The following PFKP variants were observed in gnomAD, a reference collection of about 807,000 sequenced individuals.
The protein encoded by PFKP is phosphofructokinase, platelet, also known as ATP-dependent 6-phosphofructokinase, platelet type.
In PFKP, 101 loss-of-function variants were observed where a neutral mutation model predicts 94.3. The ratio of observed to expected loss-of-function variants is 1.07; its 90% confidence interval spans 0.91 to 1.26. The LOEUF is 1.26. Ranked by LOEUF, PFKP falls within the 50% of genes most tolerant of loss-of-function variation. The pLI is 0.00. For synonymous variants in PFKP, 573 were observed against 432.6 expected (o/e 1.32, Z -4.03); for missense variants, 1,145 against 1,103.3 (o/e 1.04, Z -0.53).
chr10:3,120,895 G>A (rs7096334), intron 16 of PFKP, among the ~76,000 whole-genome samples: 69,185 of 151,908 alleles, frequency 0.46, 15,695 homozygotes, highest in Non-Finnish European at 0.48. Flanking sequence ...TTGAAGATCC[G>A]TACCTAACAC....
chr10:3,120,127 A>G lies in PFKP; in HGVS notation c.1683+83A>G. 1.8e-6 allele frequency: 2 copies of G among 1,084,642 alleles called. 1 individual carries two copies. Among genetic ancestry groups the G allele is most frequent in the South Asian group, 2.6e-5 (2 of 76,772 alleles). The allele number at this position is 1,084,642 out of a possible 1,614,324, so 67.2% of individuals were successfully genotyped here. A position where few individuals can be genotyped will look rare whatever the true frequency, so the allele number is the denominator to read the frequency against. ...GGCCCTTTTTATCTACCAGTGCGCT[A>G]GAAATAGCCTTTTACAAATACCCTG... On this transcript the variant is annotated intron_variant, in intron 16 of 21. Transcript: ENST00000381125.
At chr10:3,110,389 T>TTTTG (rs56347817) in intron 10 of PFKP, among the ~76,000 whole-genome samples, 3 of 142,516 alleles carry the variant, frequency 2.1e-5, no homozygotes, top group Non-Finnish European at 4.6e-5. Context: ...TTTTTTTTTT[T>TTTTG]GTATTTTTAG....
intron 8 of PFKP, 30 bp downstream of exon 8, chr10:3,107,339 C>A: frequency 2.2e-6 from 3 of 1,375,192 alleles, no homozygotes; most frequent in South Asian, 1.2e-5. Flanking sequence ...CACTTTCTCT[C>A]GGTTTCTGCC....
chr10:3,082,775 G>C (rs1833190109), intron 2 of PFKP, among the ~76,000 whole-genome samples: 1 of 152,162 alleles, frequency 6.6e-6, no homozygotes, highest in Non-Finnish European at 1.5e-5. Flanking sequence ...CTGGAGTGCA[G>C]AGGCACGATC....
intron 1 of PFKP, among the ~76,000 whole-genome samples, chr10:3,082,119 A>G (rs79056341): frequency 0.016 from 2,452 of 150,926 alleles, 58 homozygotes; most frequent in African/African-American, 0.056. Context: ...TTCGTTTTGC[A>G]GTTGAATGGA....
intron 1 of PFKP, among the ~76,000 whole-genome samples, chr10:3,071,369 TTTTGTTTG>T (rs150588087): frequency 6.7e-6 from 1 of 150,190 alleles, no homozygotes; most frequent in Non-Finnish European, 1.5e-5. Flanking sequence ...CTCAGGCTGT[TTTTGTTTG>T]TTTGTTTGTT....
chr10:3,079,657 CGGGGTGG>C (rs1463211877), intron 1 of PFKP, among the ~76,000 whole-genome samples: 4 of 7,792 alleles, frequency 5.1e-4, no homozygotes, highest in Non-Finnish European at 9.2e-4. Flanking sequence ...CTTCAGAGAG[CGGGGTGG>C]GGGGGGGGGG....
At position 3,129,831 on chromosome 10, in the gene PFKP, A is replaced by G; in HGVS notation, c.1696A>G (p.Ile566Val). 1 of 1,613,510 alleles carries G rather than the reference A, an allele frequency of 6.2e-7. No homozygotes were observed. Among genetic ancestry groups the G allele is most frequent in the Non-Finnish European group, 8.5e-7 (1 of 1,179,962 alleles). The change falls in exon 17 of 22, where the codon ATC becomes GTC. Residue 566 changes from isoleucine to valine, a missense_variant. Physicochemically the swap from Ile to Val is conservative, Grantham distance 29. This residue lies in a region of PFKP where 1,119 missense variants were observed against 1,062.8 expected (regional missense o/e 1.05). Transcript: ENST00000381125. Reference protein sequence around the residue: ...LNTITDTCDRIKQSASGTKRR... With the variant: ...LNTITDTCDRVKQSASGTKRR... ...TCTCTGTGACCAGACCTGCGACCGCATCAAGCAGTCCGCCAGCGGAACCAA... is the reference window on the plus strand; with the variant it reads ...TCTCTGTGACCAGACCTGCGACCGCGTCAAGCAGTCCGCCAGCGGAACCAA...
At chr10:3,130,717 G>A (rs749276710) in intron 17 of PFKP, among the ~76,000 whole-genome samples, 7 of 152,064 alleles carry the variant, frequency 4.6e-5, no homozygotes, top group African/African-American at 9.7e-5. Flanking sequence ...GTGCCACCAC[G>A]CCCAGCTAAT....
At chr10:3,129,046 T>A (rs1838264004) in intron 16 of PFKP, 1 of 152,264 alleles carries the variant, frequency 6.6e-6, no homozygotes, top group Non-Finnish European at 1.5e-5. Flanking sequence ...ATGGGGTCCT[T>A]TCTGTGTGAA....
intron 13 of PFKP, among the ~76,000 whole-genome samples, chr10:3,114,510 C>G (rs1237483262): frequency 6.6e-6 from 1 of 152,230 alleles, no homozygotes; most frequent in African/African-American, 2.4e-5. Context: ...AGACACAACT[C>G]TCTGGTTCCG....
At chr10:3,116,128 T>C (rs1018670577) in intron 13 of PFKP, among the ~76,000 whole-genome samples, 7 of 140,596 alleles carry the variant, frequency 5.0e-5, no homozygotes, top group Non-Finnish European at 1.1e-4. Flanking sequence ...TATATGGTTC[T>C]GTCAAATATA....
chr10:3,107,658 C>A, intron 8 of PFKP: 1 of 804,308 alleles, frequency 1.2e-6, no homozygotes, highest in Non-Finnish European at 1.5e-6. Flanking sequence ...TGGCAGCCGA[C>A]CCGGGCTTCT....
intron 17 of PFKP, among the ~76,000 whole-genome samples, chr10:3,131,113 T>C (rs1564355446): frequency 1.3e-5 from 2 of 152,034 alleles, no homozygotes; most frequent in Non-Finnish European, 1.5e-5. Flanking sequence ...TTATAATATA[T>C]ATTTTATAAA....
At chr10:3,091,232 T>G (rs1327073379) in intron 2 of PFKP, among the ~76,000 whole-genome samples, 2 of 152,076 alleles carry the variant, frequency 1.3e-5, no homozygotes, top group South Asian at 4.1e-4. Flanking sequence ...TAAGCTAAGG[T>G]TTTTCCTTAG....
At chr10:3,078,690 T>C (rs1195582703) in intron 1 of PFKP, among the ~76,000 whole-genome samples, 2 of 152,178 alleles carry the variant, frequency 1.3e-5, no homozygotes, top group East Asian at 3.9e-4. Context: ...CAGTAATCAG[T>C]TTATCCCCCT....
At chr10:3,095,048 GAGTT>G (rs1163441400) in intron 2 of PFKP, among the ~76,000 whole-genome samples, 1 of 152,092 alleles carries the variant, frequency 6.6e-6, no homozygotes, top group Non-Finnish European at 1.5e-5. Context: ...TCACCATTTG[GAGTT>G]AGTTGAGTGA....
At chr10:3,136,374 T>A in intron 21 of PFKP, 76 bp from the exon 22 acceptor site, 1 of 1,522,218 alleles carries the variant, frequency 6.6e-7, no homozygotes, top group Admixed American at 1.7e-5. Flanking sequence ...GCAAGACCGC[T>A]CGCTGTGCTG....
chr10:3,102,798 A>G (rs756614245), intron 4 of PFKP, among the ~76,000 whole-genome samples: 3 of 152,212 alleles, frequency 2.0e-5, no homozygotes, highest in Non-Finnish European at 4.4e-5. Context: ...GGCGGCATTG[A>G]GGCAAAGCAG....
Sources: allele counts gnomAD v4.1 joint callset (sites outside exome capture counted in the v4.1 genomes callset), GRCh38; gene constraint gnomAD v4.1.1; regional missense constraint gnomAD v4.1.1; transcripts MANE v1.5; gene names NCBI Gene and HGNC (gene_info 2026-07-23, HGNC 2026-07-21).